Variants in RETREG1 observed in about 807,000 individuals in gnomAD.
RETREG1 encodes reticulophagy regulator 1.
Under a neutral mutation model 54.8 loss-of-function variants are expected in RETREG1, and 44 were observed. The observed-to-expected ratio is 0.80, with a 90% CI of 0.63 to 1.03. The LOEUF (loss-of-function observed/expected upper bound fraction) is 1.03. RETREG1 is among the 50% of genes least tolerant of loss of function. The pLI is 0.00. For synonymous variants in RETREG1, 217 were observed against 238.5 expected, an observed-to-expected ratio of 0.91 and a Z score of 0.83; for missense variants, 554 against 605.1, an observed-to-expected ratio of 0.92 and a Z score of 0.89.
chr5:16,557,872 C>G lies in RETREG1; in HGVS notation c.458+7891G>C, dbSNP rs1037863629. 2.0e-5 allele frequency among the ~76,000 whole-genome samples: 3 copies of G among 151,958 alleles called. No homozygotes were observed. The East Asian group carries it at 5.8e-4, about 29-fold the overall frequency. ...CTAATTGCTATGGTTTGAAAGTCCC[C>G]TGCAAAACTCATGTTGAAATTTAAT... On this transcript the variant is annotated intron_variant, in intron 3 of 8. Transcript: ENST00000306320.
At chr5:16,550,658 C>CA (rs1741510504) in intron 3 of RETREG1, among the ~76,000 whole-genome samples, 1 of 152,148 alleles carries the variant, frequency 6.6e-6, no homozygotes, top group African/African-American at 2.4e-5. Context: ...ATTTTGAAAA[C>CA]AAAACCAAAC....
chr5:16,483,154 G>T (rs1484235799), intron 4 of RETREG1, 192 bp downstream of exon 4: 3 of 617,420 alleles, frequency 4.9e-6, no homozygotes, highest in Non-Finnish European at 8.5e-6. Flanking sequence ...ATTTCACAAT[G>T]TGAGGCTGAG....
intron 1 of RETREG1, among the ~76,000 whole-genome samples, chr5:16,611,985 A>G (rs1357701300): frequency 6.6e-6 from 1 of 151,922 alleles, no homozygotes; most frequent in African/African-American, 2.4e-5. Context: ...GAATCGCTAG[A>G]ACCCAGGAGG....
chr5:16,532,689 G>A (rs1221644528), intron 3 of RETREG1, among the ~76,000 whole-genome samples: 2 of 152,224 alleles, frequency 1.3e-5, no homozygotes, highest in African/African-American at 2.4e-5. Flanking sequence ...AGTGAGCACA[G>A]TGTAAGTCAG....
At chr5:16,584,289 T>C (rs1485961842) in intron 1 of RETREG1, among the ~76,000 whole-genome samples, 1 of 152,110 alleles carries the variant, frequency 6.6e-6, no homozygotes, top group Non-Finnish European at 1.5e-5. Context: ...CTATTGAAAT[T>C]TAAAAAATTA....
rs1361898615 is a variant in RETREG1 at position 16,474,379 on chromosome 5, CTG to C, written c.*360_*361del. 1.0e-5 allele frequency: 2 copies of C among 193,262 alleles called. No individual in the cohort carries two copies. Among genetic ancestry groups the C allele is most frequent in the East Asian group, 1.5e-4 (1 of 6,836 alleles). 12.0% of individuals were successfully genotyped at this position (193,262 alleles called of 1,614,324 possible). ...ATATTTTTCAGTAAGTTACAATAAA[CTG>C]TTTTGCATGCTTGAAAAACTGTAAA... On this transcript the variant is annotated 3_prime_UTR_variant, in exon 9 of 9. Transcript: ENST00000306320.
At chr5:16,488,255 T>C (rs920440138) in intron 3 of RETREG1, among the ~76,000 whole-genome samples, 19 of 152,182 alleles carry the variant, frequency 1.2e-4, no homozygotes, top group Admixed American at 7.2e-4. Flanking sequence ...AGAAAATCTA[T>C]GCAACAACGA....
At chr5:16,499,611 T>A (rs1027198239) in intron 3 of RETREG1, among the ~76,000 whole-genome samples, 4 of 152,246 alleles carry the variant, frequency 2.6e-5, no homozygotes, top group Non-Finnish European at 5.9e-5. Context: ...GTAATATTTG[T>A]GCACAGCTCC....
Position 16,492,132 on chromosome 5 carries a change from G to T in RETREG1, c.459-8660C>A, listed in dbSNP as rs572081311. On this transcript the variant is annotated intron_variant, in intron 3 of 8. Transcript: ENST00000306320. ...ATCAGAGAAAAATGACTCCCTTTTT[G>T]GTTTTGCTTTTCAAGTTTTTGTAGG... Among the ~76,000 whole-genome samples, 11 of 149,574 alleles carry T rather than the reference G, an allele frequency of 7.4e-5. No homozygotes were observed. In the South Asian group the frequency reaches 2.1e-3, roughly 29 times the overall value.
chr5:16,560,297 C>T (rs1741820246), intron 3 of RETREG1, among the ~76,000 whole-genome samples: 1 of 152,014 alleles, frequency 6.6e-6, no homozygotes, highest in Non-Finnish European at 1.5e-5. Flanking sequence ...CAATTTTTCC[C>T]AAAGAGTAAA....
intron 1 of RETREG1, among the ~76,000 whole-genome samples, chr5:16,601,162 T>C (rs1449521503): frequency 2.0e-5 from 3 of 151,818 alleles, no homozygotes; most frequent in Non-Finnish European, 4.4e-5. Flanking sequence ...AGGCCGGGAG[T>C]TAGAGACCAG....
chr5:16,486,990 C>T (rs1739045295), intron 3 of RETREG1, among the ~76,000 whole-genome samples: 1 of 152,140 alleles, frequency 6.6e-6, no homozygotes, highest in Non-Finnish European at 1.5e-5. Context: ...TTGGAAAACA[C>T]ATAACTAGAA....
intron 3 of RETREG1, among the ~76,000 whole-genome samples, chr5:16,525,384 C>T (rs1740683143): frequency 6.6e-6 from 1 of 152,174 alleles, no homozygotes; most frequent in Non-Finnish European, 1.5e-5. Context: ...CCCCTTTCTC[C>T]CTTCCCCCCC....
intron 3 of RETREG1, among the ~76,000 whole-genome samples, chr5:16,499,153 G>T (rs908378890): frequency 2.2e-4 from 33 of 151,782 alleles, no homozygotes; most frequent in Middle Eastern, 6.8e-3. Flanking sequence ...CCCAGGGACA[G>T]GATGATGAAG....
intron 3 of RETREG1, among the ~76,000 whole-genome samples, chr5:16,485,073 A>T (rs962077922): frequency 6.6e-6 from 1 of 152,088 alleles, no homozygotes; most frequent in Non-Finnish European, 1.5e-5. Flanking sequence ...GCTTAGTGGG[A>T]AAAGATTTTG....
At chr5:16,549,182 C>T (rs1245837768) in intron 3 of RETREG1, among the ~76,000 whole-genome samples, 1 of 152,150 alleles carries the variant, frequency 6.6e-6, no homozygotes, top group Admixed American at 6.5e-5. Flanking sequence ...ATTATCGATC[C>T]CATATTCTAA....
At chr5:16,503,450 C>T (rs1054504299) in intron 3 of RETREG1, among the ~76,000 whole-genome samples, 2 of 152,012 alleles carry the variant, frequency 1.3e-5, no homozygotes, top group African/African-American at 2.4e-5. Flanking sequence ...GGGTGGATCA[C>T]GAGGTCAGGA....
chr5:16,514,455 G>T (rs16868708), intron 3 of RETREG1, among the ~76,000 whole-genome samples: 20,400 of 152,104 alleles, frequency 0.13, 1,694 homozygotes, highest in African/African-American at 0.22. Flanking sequence ...TGTTTCACTT[G>T]TATCTTCAGT....
At chr5:16,580,283 A>G (rs1202567587) in intron 1 of RETREG1, among the ~76,000 whole-genome samples, 6 of 152,214 alleles carry the variant, frequency 3.9e-5, no homozygotes, top group Non-Finnish European at 7.3e-5. Flanking sequence ...AGAGTGACCT[A>G]GATTACTAGT....
Sources: gnomAD v4.1 joint callset for allele counts (sites outside exome capture counted in the v4.1 genomes callset) on GRCh38, gnomAD v4.1.1 for gene constraint, MANE v1.5 for transcripts, NCBI Gene and HGNC (gene_info 2026-07-23, HGNC 2026-07-21) for gene names.